Variants in BAZ2A observed in about 807,000 individuals in gnomAD.
The protein encoded by BAZ2A is bromodomain adjacent to zinc finger domain 2A.
BAZ2A carries 34 observed loss-of-function variants against 199.9 expected under a neutral mutation model. The ratio of observed to expected loss-of-function variants is 0.17; its 90% CI spans 0.13 to 0.23. BAZ2A has a LOEUF of 0.23. BAZ2A is among the 10% of genes least tolerant of loss of function. The pLI is 1.00. For missense variants in BAZ2A, 2,002 were observed against 2,391.1 expected, an observed-to-expected ratio of 0.84 and a Z score of 3.39; for synonymous variants, 857 against 883.9, an observed-to-expected ratio of 0.97 and a Z score of 0.54.
chr12:56,600,555 A>C (rs937237840), intron 23 of BAZ2A, 65 bp from the exon 24 acceptor site: 40 of 1,574,974 alleles, frequency 2.5e-5, no homozygotes, highest in Non-Finnish European at 3.2e-5. Context: ...AGGAAAAAAA[A>C]AAACAAAAAC....
At chr12:56,619,520 A>G (rs538852972) in intron 1 of BAZ2A, among the ~76,000 whole-genome samples, 18 of 151,672 alleles carry the variant, frequency 1.2e-4, no homozygotes, top group African/African-American at 4.1e-4. Flanking sequence ...AAAAAAAAAA[A>G]AAAAAAGAAA....
intron 18 of BAZ2A, 111 bp from the exon 19 acceptor site, chr12:56,602,968 G>T: frequency 8.0e-7 from 1 of 1,252,404 alleles, no homozygotes; most frequent in Non-Finnish European, 1.1e-6. Flanking sequence ...CTATAAAAGT[G>T]ATGCCATCTG....
intron 14 of BAZ2A, 96 bp downstream of exon 14, chr12:56,604,977 A>G: frequency 1.4e-6 from 2 of 1,475,366 alleles, no homozygotes; most frequent in South Asian, 2.9e-5. Context: ...GGAGTCAGGA[A>G]GAAAAAGAAA....
intron 3 of BAZ2A, 104 bp downstream of exon 3, chr12:56,614,910 A>T: frequency 8.3e-7 from 1 of 1,199,584 alleles, no homozygotes; most frequent in Non-Finnish European, 1.2e-6. Context: ...ATCAGCCTCC[A>T]CTGCAGAGAG....
intron 1 of BAZ2A, among the ~76,000 whole-genome samples, chr12:56,618,136 C>T (rs534097201): frequency 4.6e-5 from 7 of 152,158 alleles, no homozygotes; most frequent in South Asian, 2.1e-4. Context: ...TGGCAAACCT[C>T]GAATCATCCA....
intron 12 of BAZ2A, 63 bp downstream of exon 12, chr12:56,606,184 T>C: frequency 6.2e-7 from 1 of 1,606,008 alleles, no homozygotes; most frequent in Non-Finnish European, 8.5e-7. Context: ...CTGATGTACA[T>C]GTCCTGCAAA....
rs751247558 is a variant in BAZ2A, at chr12:56,601,868, C to T, written c.3749G>A (p.Gly1250Asp). The T allele has an allele frequency of 2.0e-5, 32 of 1,613,848 alleles. No individual in the cohort carries two copies. The highest frequency in any genetic ancestry group is 2.6e-5 in the Non-Finnish European group (31 of 1,179,838). ...QSHKGFLEQE[G>D]SPLSLGQSQH... ...GCTCTGACCCAGTGACAAAGGGGAGCCTTCTTGCTCCAGGAACCCCTTATG... is the reference window on the plus strand; with the variant it reads ...GCTCTGACCCAGTGACAAAGGGGAGTCTTCTTGCTCCAGGAACCCCTTATG... Residue 1250 changes from glycine to aspartate, a missense_variant, in exon 20 of 29, where the codon GGC becomes GAC. Coordinates refer to ENST00000549884, the MANE Select transcript of BAZ2A (RefSeq NM_001300905.2).
chr12:56,606,424 AG>A, intron 11 of BAZ2A, 112 bp from the exon 12 acceptor site: 1 of 1,329,336 alleles, frequency 7.5e-7, no homozygotes, highest in Non-Finnish European at 1.1e-6. Flanking sequence ...AGATGGAATG[AG>A]GGGTTGGCAA....
At chr12:56,622,246 A>G (rs1950944042) in intron 1 of BAZ2A, among the ~76,000 whole-genome samples, 2 of 152,124 alleles carry the variant, frequency 1.3e-5, no homozygotes, top group Admixed American at 1.3e-4. Context: ...AGGCTGAGGC[A>G]GGAGAATTGC....
At position 56,610,157 on chromosome 12, in the gene BAZ2A, C is replaced by T. The variant is rs1277267250; in HGVS notation, c.1838G>A (p.Arg613His). ...TTCAAAGAAATCTCCAACAGGCATACGGGGACTGAAGCTGAAGTGCTCTCG... is the reference window on the plus strand; with the variant it reads ...TTCAAAGAAATCTCCAACAGGCATATGGGGACTGAAGCTGAAGTGCTCTCG... ...VRREHFSFSP[R>H]MPVGDFFEER... Residue 613 changes from arginine to histidine, a missense_variant, in exon 9 of 29, where the codon CGT (arginine) becomes CAT (histidine). Arg to His is a conservative substitution (Grantham distance 29). This residue lies in a region of BAZ2A where 74 missense variants were observed against 126.1 expected (regional missense o/e 0.59). Coordinates refer to ENST00000549884, the MANE Select transcript of BAZ2A (RefSeq NM_001300905.2). The T allele has an allele frequency of 2.5e-6, 4 of 1,613,788 alleles. No individual in the cohort carries two copies. The highest frequency in any genetic ancestry group is 1.3e-5 in the African/African-American group (1 of 74,894).
At position 56,605,651 on chromosome 12, in the gene BAZ2A, G is replaced by A. The variant is rs369982155; in HGVS notation, c.2493+179C>T. 8.3e-6 allele frequency: 6 copies of A among 719,014 alleles called. No homozygotes were observed. The East Asian group carries it at 1.6e-4, about 20-fold the overall frequency. The allele number at this position is 719,014 out of a possible 1,614,324, so 44.5% of individuals were successfully genotyped here. On this transcript the variant is annotated intron_variant, in intron 13 of 28. Coordinates refer to ENST00000549884, the MANE Select transcript of BAZ2A (RefSeq NM_001300905.2). ...TGCCCAGGCTGGTCTTGAACTGCTG[G>A]GCTCAAGCGATCTGCCCGCCTCGGC...
chr12:56,613,292 A>C, intron 4 of BAZ2A, 59 bp from the exon 5 acceptor site: 3 of 1,534,658 alleles, frequency 2.0e-6, no homozygotes, highest in Non-Finnish European at 2.7e-6. Context: ...AGAAAGCAAG[A>C]TTTAAGAAAC....
upstream of BAZ2A, among the ~76,000 whole-genome samples, chr12:56,631,035 A>G (rs887626283): frequency 1.3e-5 from 2 of 152,238 alleles, no homozygotes; most frequent in African/African-American, 4.8e-5. Context: ...ACAGGGCTAC[A>G]TAACTGTGTG....
upstream of BAZ2A, among the ~76,000 whole-genome samples, chr12:56,633,501 T>C (rs1284645973): frequency 6.6e-6 from 1 of 152,094 alleles, no homozygotes; most frequent in African/African-American, 2.4e-5. Context: ...AATTCTCTAA[T>C]GGAGGTGGGA....
At chr12:56,634,872 G>T (rs1951409590), upstream of BAZ2A, 2 of 972,658 alleles carry the variant, frequency 2.1e-6, no homozygotes, top group Non-Finnish European at 1.2e-6. Context: ...GGGCAGCAGG[G>T]ATCCCGGGGC....
At chr12:56,617,368 C>T (rs768996310) in intron 2 of BAZ2A, 27 bp downstream of exon 2, 19 of 1,570,474 alleles carry the variant, frequency 1.2e-5, no homozygotes, top group Non-Finnish European at 1.6e-5. Context: ...CCATTCCCTC[C>T]CCAGGCCAAG....
At chr12:56,620,723 A>G (rs1194776534) in intron 1 of BAZ2A, among the ~76,000 whole-genome samples, 1 of 151,872 alleles carries the variant, frequency 6.6e-6, no homozygotes, top group African/African-American at 2.4e-5. Context: ...ACACGCCCAG[A>G]TAATTTTTTA....
At chr12:56,617,144 C>T (rs1405146604) in intron 2 of BAZ2A, among the ~76,000 whole-genome samples, 1 of 152,158 alleles carries the variant, frequency 6.6e-6, no homozygotes, top group Non-Finnish European at 1.5e-5. Context: ...GCAGTAGCCA[C>T]TTCACTGCTC....
intron 1 of BAZ2A, among the ~76,000 whole-genome samples, chr12:56,622,304 C>T (rs1950947347): frequency 6.6e-6 from 1 of 151,968 alleles, no homozygotes; most frequent in Non-Finnish European, 1.5e-5. Flanking sequence ...CGCACCATTG[C>T]ACTCTAGCCT....
Sources: allele counts gnomAD v4.1 joint callset (sites outside exome capture counted in the v4.1 genomes callset), GRCh38; gene constraint gnomAD v4.1.1; regional missense constraint gnomAD v4.1.1; transcripts MANE v1.5; gene names NCBI Gene and HGNC (gene_info 2026-07-23, HGNC 2026-07-21).